The following RNLS variants were observed in gnomAD, a reference collection of about 807,000 sequenced individuals.
RNLS encodes renalase.
In RNLS, 39 loss-of-function variants were observed where a neutral mutation model predicts 39.8. The ratio of observed to expected loss-of-function variants is 0.98; its 90% CI spans 0.76 to 1.28. The LOEUF is 1.28. Among genes scored for constraint, RNLS ranks in the 50% most tolerant of loss-of-function variants. The probability of loss-of-function intolerance (pLI) is 0.00; values close to 1 mark genes in which losing one functional copy is unlikely to be tolerated. For missense variants in RNLS, 410 were observed against 413.3 expected, an observed-to-expected ratio of 0.99 and a Z score of 0.07; for synonymous variants, 147 against 150.7, an observed-to-expected ratio of 0.98 and a Z score of 0.18.
intron 4 of RNLS, among the ~76,000 whole-genome samples, chr10:88,548,271 A>C (rs1224197072): frequency 4.7e-5 from 3 of 64,312 alleles, no homozygotes; most frequent in Non-Finnish European, 1.1e-4. Flanking sequence ...CAAAAAAAAA[A>C]AAAAAAAAAA....
intron 4 of RNLS, among the ~76,000 whole-genome samples, chr10:88,405,512 G>A (rs1049286729): frequency 1.3e-5 from 2 of 151,992 alleles, no homozygotes; most frequent in Admixed American, 1.3e-4. Context: ...TATAAGAATA[G>A]CTACCCCTGC....
chr10:88,272,117 C>T (rs1842665202), downstream of RNLS, among the ~76,000 whole-genome samples: 1 of 152,178 alleles, frequency 6.6e-6, no homozygotes, highest in Non-Finnish European at 1.5e-5. Context: ...CATCTCACCT[C>T]CAGATTTGGA....
chr10:88,551,843 A>G (rs563256512), intron 4 of RNLS, among the ~76,000 whole-genome samples: 1 of 152,182 alleles, frequency 6.6e-6, no homozygotes, highest in Non-Finnish European at 1.5e-5. Flanking sequence ...GTTACCAACC[A>G]GTAAAATATC....
At chr10:88,572,770 A>T in intron 4 of RNLS, 133 bp downstream of exon 4, 1 of 863,586 alleles carries the variant, frequency 1.2e-6, no homozygotes. Flanking sequence ...GACGGCCGTA[A>T]GTATCAGTTT....
At position 88,509,319 on chromosome 10, in the gene RNLS, G is replaced by C. The variant is rs540433770; in HGVS notation, c.526+63584C>G. On this transcript the variant is annotated intron_variant, in intron 4 of 6. Transcript: ENST00000331772. ...TTGCACTTGTCTGTGAACTCCATCT[G>C]AAAATGGACTGCATGTATCTTGTTC... is the stretch of plus-strand genomic sequence containing the variant. 1.5e-4 allele frequency among the ~76,000 whole-genome samples: 23 copies of C among 152,204 alleles called. 1 individual carries two copies. In the South Asian group the frequency reaches 4.8e-3, roughly 32 times the overall value.
intron 4 of RNLS, among the ~76,000 whole-genome samples, chr10:88,490,649 T>G (rs1844823173): frequency 6.6e-6 from 1 of 152,184 alleles, no homozygotes; most frequent in Non-Finnish European, 1.5e-5. Context: ...AAATGTGCAT[T>G]CATTCATTTT....
chr10:88,395,930 G>C, intron 4 of RNLS, among the ~76,000 whole-genome samples: 1 of 152,036 alleles, frequency 6.6e-6, no homozygotes, highest in Middle Eastern at 3.2e-3. Flanking sequence ...GAATGCAGTG[G>C]CATGACATGC....
At chr10:88,443,952 C>T (rs1841884459) in intron 4 of RNLS, among the ~76,000 whole-genome samples, 1 of 152,224 alleles carries the variant, frequency 6.6e-6, no homozygotes, top group African/African-American at 2.4e-5. Context: ...ATGTCCCTGT[C>T]TGACAGCTTT....
At chr10:88,274,816 CA>C (rs1360267309) in exon 7 of RNLS, 32 of 604,622 alleles carry the variant, frequency 5.3e-5, no homozygotes, top group Non-Finnish European at 8.6e-5. Flanking sequence ...CGGCACTGCA[CA>C]AGGGAATCCA....
At chr10:88,439,287 G>A (rs984677879) in intron 4 of RNLS, among the ~76,000 whole-genome samples, 1 of 152,150 alleles carries the variant, frequency 6.6e-6, no homozygotes, top group Non-Finnish European at 1.5e-5. Flanking sequence ...AGATGTTGCT[G>A]GTGTAATTTA....
At chr10:88,255,587 C>T in the RNLS span, among the ~76,000 whole-genome samples, 1 of 152,194 alleles carries the variant, frequency 6.6e-6, no homozygotes, top group African/African-American at 2.4e-5. Context: ...AGCATTTGTA[C>T]TAACCCAATC....
chr10:88,408,977 A>G (rs1853478338), intron 4 of RNLS, among the ~76,000 whole-genome samples: 1 of 152,142 alleles, frequency 6.6e-6, no homozygotes, highest in Admixed American at 6.5e-5. Flanking sequence ...CCCATTTCTG[A>G]AAATGTAATT....
chr10:88,476,792 G>T (rs189558332), intron 4 of RNLS, among the ~76,000 whole-genome samples: 45 of 152,244 alleles, frequency 3.0e-4, no homozygotes, highest in African/African-American at 1.1e-3. Flanking sequence ...TCATGAAAGG[G>T]TTGAGAGGTA....
chr10:88,362,846 A>G (rs540346152), intron 4 of RNLS, 121 bp from the exon 5 acceptor site: 2 of 797,594 alleles, frequency 2.5e-6, no homozygotes, highest in Non-Finnish European at 3.8e-6. Flanking sequence ...CTCACTTACA[A>G]TGAATTTTGA....
intron 4 of RNLS, among the ~76,000 whole-genome samples, chr10:88,517,666 A>G (rs528926266): frequency 6.6e-6 from 1 of 151,914 alleles, no homozygotes; most frequent in Non-Finnish European, 1.5e-5. Flanking sequence ...ATGGGCACCT[A>G]TACTATTCAG....
intron 4 of RNLS, among the ~76,000 whole-genome samples, chr10:88,378,703 C>CT (rs1851221295): frequency 1.3e-5 from 2 of 152,186 alleles, no homozygotes. Context: ...AGATCATACC[C>CT]TTTTTGTCCA....
chr10:88,535,069 T>C (rs1238295139), intron 4 of RNLS, among the ~76,000 whole-genome samples: 1 of 152,154 alleles, frequency 6.6e-6, no homozygotes, highest in Non-Finnish European at 1.5e-5. Context: ...CATTTCATAA[T>C]TAAAAAGTTT....
the RNLS span, among the ~76,000 whole-genome samples, chr10:88,197,529 A>C: frequency 0.057 from 8,628 of 152,280 alleles, 308 homozygotes; most frequent in Middle Eastern, 0.099. Flanking sequence ...AACCACCGCA[A>C]TTCGAATAAT....
At chr10:88,479,793 C>CTTTTTTTTTTTT (rs11293313) in intron 4 of RNLS, among the ~76,000 whole-genome samples, 1 of 139,338 alleles carries the variant, frequency 7.2e-6, no homozygotes, top group African/African-American at 2.7e-5. Context: ...TTCTTTTTTT[C>CTTTTTTTTTTTT]TTTTTTTTTT....
Sources: allele counts gnomAD v4.1 joint callset (sites outside exome capture counted in the v4.1 genomes callset), GRCh38; gene constraint gnomAD v4.1.1; transcripts MANE v1.5; gene names NCBI Gene and HGNC (gene_info 2026-07-23, HGNC 2026-07-21).